ADGRL1: variants seen among roughly 807,000 people sequenced by gnomAD.
ADGRL1 encodes adhesion G protein-coupled receptor L1.
In ADGRL1, 31 loss-of-function variants were observed where a neutral mutation model predicts 148.9. The observed-to-expected ratio is 0.21, with a 90% CI of 0.16 to 0.28. ADGRL1 has a LOEUF of 0.28. Ranked by LOEUF, ADGRL1 falls within the 10% of genes least tolerant of loss-of-function variation. The pLI is 1.00. For synonymous variants in ADGRL1, 937 were observed against 900.3 expected, an observed-to-expected ratio of 1.04 and a Z score of -0.73; for missense variants, 1,521 against 2,058.8, an observed-to-expected ratio of 0.74 and a Z score of 5.05.
At chr19:14,174,805 G>C (rs1469106183) in intron 3 of ADGRL1, among the ~76,000 whole-genome samples, 1 of 148,446 alleles carries the variant, frequency 6.7e-6, no homozygotes, top group Non-Finnish European at 1.5e-5. Flanking sequence ...CAAAGTGCTG[G>C]GATTACAGGC....
Position 14,150,610 on chromosome 19 carries a change from G to T in ADGRL1, c.*263C>A. 1 of 509,286 alleles carries T rather than the reference G, an allele frequency of 2.0e-6. No homozygotes were observed. 31.5% of individuals were successfully genotyped at this position (509,286 alleles called of 1,614,324 possible). On this transcript the variant is annotated 3_prime_UTR_variant, in exon 23 of 23. Coordinates refer to ENST00000361434, the MANE Select transcript of ADGRL1 (RefSeq NM_014921.5). ...CCAAGTTCTCCCTCCTCACTCCCCT[G>T]GGGTCCTCTGGGCTCCTCCTCACTA...
intron 4 of ADGRL1, chr19:14,168,628 C>T (rs187494867): frequency 3.0e-4 from 45 of 152,402 alleles, no homozygotes; most frequent in African/African-American, 1.1e-3. Flanking sequence ...CTCTCCTCCC[C>T]TAGCTTCTTT....
intron 1 of ADGRL1, chr19:14,191,448 G>A (rs1436882489): frequency 1.3e-5 from 6 of 456,536 alleles, no homozygotes; most frequent in Admixed American, 4.7e-5. Context: ...CACACAGACA[G>A]GGTGAAGCAT....
At chr19:14,186,677 C>T (rs1024687531) in intron 1 of ADGRL1, among the ~76,000 whole-genome samples, 2 of 152,202 alleles carry the variant, frequency 1.3e-5, no homozygotes, top group Admixed American at 6.5e-5. Flanking sequence ...TTGATCCGAA[C>T]ATTAACTGAC....
At position 14,148,360 on chromosome 19, in the gene ADGRL1, T is replaced by A. The variant is rs747773982; in HGVS notation, c.*2513A>T. 1 of 152,278 alleles carries A rather than the reference T, an allele frequency of 6.6e-6. No individual in the cohort carries two copies. Among genetic ancestry groups the A allele is most frequent in the Non-Finnish European group, 1.5e-5 (1 of 68,108 alleles). 9.4% of individuals were successfully genotyped at this position (152,278 alleles called of 1,614,324 possible). ...GATACACCCTCTCTCCCTTTGATTG[T>A]CCGAGTCTGGAGAGATACAAGGAAG... On this transcript the variant is annotated 3_prime_UTR_variant, in exon 23 of 23. Coordinates refer to ENST00000361434, the MANE Select transcript of ADGRL1 (RefSeq NM_014921.5).
Position 14,158,577 on chromosome 19 carries a change from T to A in ADGRL1, c.2150-25A>T, listed in dbSNP as rs749146299. 5 of 1,584,454 alleles carry A rather than the reference T, an allele frequency of 3.2e-6. No homozygotes were observed. The Admixed American group carries it at 6.7e-5, about 21-fold the overall frequency. ...CCTGGTGAGAACAGGCACGTTTGGATGTGTCAGCATCCTCAGCTGGCGCAC... is the reference window on the plus strand; with the variant it reads ...CCTGGTGAGAACAGGCACGTTTGGAAGTGTCAGCATCCTCAGCTGGCGCAC... On this transcript the variant is annotated intron_variant, in intron 11 of 22. Transcript: ENST00000361434.
At position 14,150,654 on chromosome 19, in the gene ADGRL1, C is replaced by T. The variant is rs1263942304; in HGVS notation, c.*219G>A. 1 of 582,524 alleles carries T rather than the reference C, an allele frequency of 1.7e-6. No individual in the cohort carries two copies. The highest frequency in any genetic ancestry group is 3.0e-6 in the Non-Finnish European group (1 of 334,170). The allele number at this position is 582,524 out of a possible 1,614,324, so 36.1% of individuals were successfully genotyped here. A position where few individuals can be genotyped will look rare whatever the true frequency, so the allele number is the denominator to read the frequency against. On this transcript the variant is annotated 3_prime_UTR_variant, in exon 23 of 23. Transcript: ENST00000361434. ...CTCACTACACTTCCCCCAAATAGAG[C>T]TGGTGCGTGTGGCTGGTGGGAAACC... is the stretch of plus-strand genomic sequence containing the variant.
At chr19:14,203,420 G>A (rs1680238848) in intron 1 of ADGRL1, among the ~76,000 whole-genome samples, 2 of 152,250 alleles carry the variant, frequency 1.3e-5, no homozygotes, top group South Asian at 4.1e-4. Context: ...TCCCCACCGA[G>A]ATGCCTGCGC....
chr19:14,188,875 G>A (rs2145082460), intron 1 of ADGRL1, among the ~76,000 whole-genome samples: 1 of 152,258 alleles, frequency 6.6e-6, no homozygotes, highest in African/African-American at 2.4e-5. Flanking sequence ...CCGGGTTCAA[G>A]TGATTCTCCT....
rs1225667585 is a variant in ADGRL1 at position 14,151,530 on chromosome 19, A to G, written c.3753T>C (p.Ser1251=). 1.2e-6 allele frequency: 2 copies of G among 1,611,144 alleles called. No homozygotes were observed. The highest frequency in any genetic ancestry group is 1.7e-5 in the Admixed American group (1 of 59,448). The part of the protein sequence containing the change: ...GNFNNSYSLR[S]GDFPPGDGGP... ...CCCCATCCCCGGGAGGGAAATCCCC[A>G]CTTCGCAAGGAGTAACTGTTATTGA... Residue 1251 remains serine (S), a synonymous_variant, in exon 23 of 23, where the codon AGT becomes AGC. Transcript: ENST00000361434.
rs1476184926 is a variant in ADGRL1, at chr19:14,161,184, CTG to C, written c.1510+126_1510+127del. The C allele has an allele frequency of 8.4e-6, 8 of 952,836 alleles. No individual in the cohort carries two copies. The highest frequency in any genetic ancestry group is 1.2e-5 in the Non-Finnish European group (8 of 674,900). The allele number at this position is 952,836 out of a possible 1,614,324, so 59.0% of individuals were successfully genotyped here. On this transcript the variant is annotated intron_variant, in intron 6 of 22. Coordinates refer to ENST00000361434, the MANE Select transcript of ADGRL1 (RefSeq NM_014921.5). This position sits in a 1 kb window ranked among gnomAD's most constrained non-coding sequence, Gnocchi z 4.4. Reference sequence around the variant, plus strand: ...TGTGCCCTGAGAGCTCTGCTGGTCACTGGGGATGACCCCTGCCCTCAGAAAAC... The same window carrying C: ...TGTGCCCTGAGAGCTCTGCTGGTCACGGGATGACCCCTGCCCTCAGAAAAC...
Position 14,157,243 on chromosome 19 carries a change from C to T in ADGRL1, c.2745+8G>A. On this transcript the variant is annotated splice_region_variant and intron_variant, in intron 14 of 22. Transcript: ENST00000361434. This position sits in a 1 kb window ranked among gnomAD's most constrained non-coding sequence, Gnocchi z 7.5. ...CTGGCCGTCACCTGCCCTAGAGTCC[C>T]AGCCCACCTCATACTGAGTCTTGTC... 1 of 1,614,070 alleles carries T rather than the reference C, an allele frequency of 6.2e-7. No homozygotes were observed. Among genetic ancestry groups the T allele is most frequent in the East Asian group, 2.2e-5 (1 of 44,888 alleles).
rs532688814 is a variant in ADGRL1 at position 14,200,968 on chromosome 19, CT to C, written c.-96+5016del. ...CTGCCAACCCAGGACAATTCTGCCC[CT>C]GATCCCAGTATGTTTAGCAATGTCT... On this transcript the variant is annotated intron_variant, in intron 1 of 22. Transcript: ENST00000361434. Among the ~76,000 whole-genome samples the C allele has an allele frequency of 3.9e-5, 6 of 152,352 alleles. No individual in the cohort carries two copies. The South Asian group carries it at 1.2e-3, about 32-fold the overall frequency.
At chr19:14,189,059 CT>C (rs987480215) in intron 1 of ADGRL1, among the ~76,000 whole-genome samples, 1 of 152,096 alleles carries the variant, frequency 6.6e-6, no homozygotes, top group African/African-American at 2.4e-5. Context: ...GCCTCCAAAA[CT>C]TTTTTATCAC....
chr19:14,164,702 A>G (rs1030359364), intron 4 of ADGRL1: 1 of 119,686 alleles, frequency 8.4e-6, no homozygotes, highest in African/African-American at 3.2e-5. Flanking sequence ...CACCCCCCCA[A>G]TCCCTGAAAA....
intron 1 of ADGRL1, among the ~76,000 whole-genome samples, chr19:14,201,417 ATT>A (rs59270792): frequency 0.16 from 22,627 of 138,124 alleles, 1,852 homozygotes; most frequent in South Asian, 0.31. Context: ...AGGCAGGGGC[ATT>A]TTTTTTTTTT....
At position 14,152,551 on chromosome 19, in the gene ADGRL1, C is replaced by T. The variant is rs140418562; in HGVS notation, c.3486G>A (p.Ala1162=). Residue 1162 remains alanine, a synonymous_variant, in exon 20 of 23, where the codon GCG becomes GCA. Coordinates refer to ENST00000361434, the MANE Select transcript of ADGRL1 (RefSeq NM_014921.5). This position sits in a 1 kb window ranked among gnomAD's most constrained non-coding sequence, Gnocchi z 6.1. ...VRKQTESSFM[A]GDINSTPTLN... ...GGGTGGGGGTGCTGTTGATGTCACC[C>T]GCCATGAAGGAGGACTCCGTCTGTT... The T allele has an allele frequency of 2.1e-4, 343 of 1,614,086 alleles. 3 individuals are homozygous for T. In the African/African-American group the frequency reaches 3.2e-3, roughly 15 times the overall value.
At chr19:14,200,998 G>A (rs925546058) in intron 1 of ADGRL1, among the ~76,000 whole-genome samples, 1 of 152,226 alleles carries the variant, frequency 6.6e-6, no homozygotes, top group African/African-American at 2.4e-5. Context: ...AATGTCTGGA[G>A]ACTTTCTGAG....
rs147173480 is a variant in ADGRL1, at chr19:14,155,443, C to T, written c.3210G>A (p.Ser1070=). ...AFGLLFINKE[S]VVMAYLFTTF... is the part of the protein sequence containing the mutation. ...TGGTGAAGAGATAGGCCATGACCACCGACTCCTTGTTGATGAAGAGGAGGC... is the reference window on the plus strand; with the variant it reads ...TGGTGAAGAGATAGGCCATGACCACTGACTCCTTGTTGATGAAGAGGAGGC... The change falls in exon 18 of 23, where the codon TCG becomes TCA. Residue 1070 remains serine (S), a synonymous_variant. Transcript: ENST00000361434. This position sits in a 1 kb window ranked among gnomAD's most constrained non-coding sequence, Gnocchi z 5.0. 21 of 1,614,162 alleles carry T rather than the reference C, an allele frequency of 1.3e-5. No homozygotes were observed. In the Admixed American group the frequency reaches 1.5e-4, roughly 12 times the overall value.
Sources: gnomAD v4.1 joint callset for allele counts (sites outside exome capture counted in the v4.1 genomes callset) on GRCh38, gnomAD v4.1.1 for gene constraint, Gnocchi (gnomAD v3.1) non-coding constraint, MANE v1.5 for transcripts, NCBI Gene and HGNC (gene_info 2026-07-23, HGNC 2026-07-21) for gene names.